Variants in ANKS1B observed in about 807,000 individuals in gnomAD.
ANKS1B encodes the protein ankyrin repeat and sterile alpha motif domain-containing protein 1B.
In ANKS1B, 36 loss-of-function variants were observed where a neutral mutation model predicts 148.3. The ratio of observed to expected loss-of-function variants is 0.24; its 90% confidence interval spans 0.19 to 0.32. ANKS1B has a LOEUF of 0.32. ANKS1B is among the 10% of genes least tolerant of loss of function. The pLI is 1.00. For missense variants in ANKS1B, 1,157 were observed against 1,542.6 expected, an observed-to-expected ratio of 0.75 and a Z score of 4.19; for synonymous variants, 542 against 560.8, an observed-to-expected ratio of 0.97 and a Z score of 0.47.
At chr12:99,517,508 AG>A (rs2096833197) in intron 9 of ANKS1B, among the ~76,000 whole-genome samples, 1 of 151,534 alleles carries the variant, frequency 6.6e-6, no homozygotes, top group Non-Finnish European at 1.5e-5. Flanking sequence ...ATCTGAGGTA[AG>A]GAGTTCGAGA....
intron 9 of ANKS1B, among the ~76,000 whole-genome samples, chr12:99,510,229 T>C (rs150559761): frequency 2.2e-4 from 34 of 152,108 alleles, no homozygotes; most frequent in Middle Eastern, 3.4e-3. Context: ...AGCCCATAGA[T>C]CAAGGATTAA....
At chr12:98,857,369 C>T (rs1181946123) in intron 17 of ANKS1B, among the ~76,000 whole-genome samples, 4 of 152,136 alleles carry the variant, frequency 2.6e-5, no homozygotes, top group Admixed American at 6.5e-5. Context: ...ATAATGACCT[C>T]GGCAGCCAGG....
At chr12:99,105,629 C>T (rs886798841) in intron 15 of ANKS1B, among the ~76,000 whole-genome samples, 5 of 151,830 alleles carry the variant, frequency 3.3e-5, no homozygotes, top group South Asian at 2.1e-4. Flanking sequence ...ATTAGCCAGG[C>T]GTTGTGGCGG....
intron 14 of ANKS1B, among the ~76,000 whole-genome samples, chr12:99,180,625 G>GT (rs2078991140): frequency 1.5e-5 from 2 of 136,346 alleles, no homozygotes; most frequent in Admixed American, 7.2e-5. Context: ...TGAGGGAAAG[G>GT]GTTTTTTTTT....
chr12:99,870,421 G>A (rs1190017112), intron 1 of ANKS1B, among the ~76,000 whole-genome samples: 1 of 152,032 alleles, frequency 6.6e-6, no homozygotes, highest in East Asian at 1.9e-4. Context: ...GTTCTTTTTG[G>A]TAGAACAATT....
At chr12:99,327,038 T>C (rs1003462529) in intron 12 of ANKS1B, among the ~76,000 whole-genome samples, 1 of 137,250 alleles carries the variant, frequency 7.3e-6, no homozygotes, top group African/African-American at 2.7e-5. Context: ...ATATTATATA[T>C]ATTTATATAC....
intron 1 of ANKS1B, among the ~76,000 whole-genome samples, chr12:99,882,445 T>C (rs762964585): frequency 6.6e-6 from 1 of 152,074 alleles, no homozygotes; most frequent in African/African-American, 2.4e-5. Flanking sequence ...AACCCCAAAA[T>C]ACCCATACCT....
At chr12:99,267,306 C>T (rs1185072249) in intron 12 of ANKS1B, among the ~76,000 whole-genome samples, 1 of 152,120 alleles carries the variant, frequency 6.6e-6, no homozygotes, top group Admixed American at 6.5e-5. Context: ...GCCTGACTCA[C>T]AACACAGGGA....
intron 17 of ANKS1B, among the ~76,000 whole-genome samples, chr12:99,028,547 G>A (rs1353964420): frequency 6.6e-6 from 1 of 152,200 alleles, no homozygotes; most frequent in African/African-American, 2.4e-5. Flanking sequence ...GAGAGGTGAT[G>A]AGACCACAGG....
intron 22 of ANKS1B, among the ~76,000 whole-genome samples, chr12:98,790,327 G>A (rs971122733): frequency 2.6e-5 from 4 of 152,108 alleles, no homozygotes; most frequent in Admixed American, 6.5e-5. Context: ...CCTTCCTTGC[G>A]GCGTGGTTAG....
intron 12 of ANKS1B, among the ~76,000 whole-genome samples, chr12:99,391,122 AT>A (rs2094050998): frequency 6.6e-6 from 1 of 152,172 alleles, no homozygotes. Flanking sequence ...CAAAAAGCTA[AT>A]TCAAACTTTC....
rs531483028 is a variant in ANKS1B at position 99,623,121 on chromosome 12, C to T, written c.1272+31946G>A. Reference sequence around the variant, plus strand: ...TATATATAAATCAATAATTGTAATTCACCACACAAACAGAATTAAAGACAA... The same window carrying T: ...TATATATAAATCAATAATTGTAATTTACCACACAAACAGAATTAAAGACAA... On this transcript the variant is annotated intron_variant, in intron 9 of 26. Coordinates refer to ENST00000683438, the MANE Select transcript of ANKS1B (RefSeq NM_001352186.2). Among the ~76,000 whole-genome samples the T allele has an allele frequency of 3.9e-4, 60 of 151,996 alleles. 1 individual carries two copies. Among genetic ancestry groups the T allele is most frequent in the African/African-American group, 1.4e-3 (57 of 41,490 alleles).
intron 12 of ANKS1B, among the ~76,000 whole-genome samples, chr12:99,315,154 T>A (rs565215399): frequency 1.9e-4 from 29 of 151,154 alleles, no homozygotes; most frequent in African/African-American, 5.6e-4. Context: ...GAAACAGAAT[T>A]GCTTGAACCT....
At chr12:98,828,190 T>C (rs1051415433) in intron 19 of ANKS1B, among the ~76,000 whole-genome samples, 1 of 152,198 alleles carries the variant, frequency 6.6e-6, no homozygotes, top group African/African-American at 2.4e-5. Context: ...ATCCCAGGCC[T>C]TCTCTCCCCA....
intron 1 of ANKS1B, among the ~76,000 whole-genome samples, chr12:99,970,123 A>G (rs1229169446): frequency 1.3e-5 from 2 of 152,204 alleles, no homozygotes; most frequent in African/African-American, 2.4e-5. Context: ...TTTAGTGCAC[A>G]TAAGAATGTT....
chr12:98,859,881 C>T (rs540915221), intron 17 of ANKS1B, among the ~76,000 whole-genome samples: 4 of 152,014 alleles, frequency 2.6e-5, no homozygotes, highest in Non-Finnish European at 4.4e-5. Context: ...TCTTGACTTG[C>T]GAAAAAATTT....
chr12:99,279,363 T>C (rs1336011698), intron 12 of ANKS1B, among the ~76,000 whole-genome samples: 4 of 152,198 alleles, frequency 2.6e-5, no homozygotes, highest in Non-Finnish European at 4.4e-5. Flanking sequence ...AATTCAATGA[T>C]TTTTAGTGTA....
At chr12:99,516,155 A>C (rs998035434) in intron 9 of ANKS1B, among the ~76,000 whole-genome samples, 3 of 151,888 alleles carry the variant, frequency 2.0e-5, no homozygotes, top group Non-Finnish European at 2.9e-5. Context: ...TTTGAACTTG[A>C]TGTGCTCCCA....
intron 10 of ANKS1B, among the ~76,000 whole-genome samples, chr12:99,492,734 G>T (rs1240550258): frequency 6.6e-6 from 1 of 152,130 alleles, no homozygotes; most frequent in East Asian, 1.9e-4. Context: ...GGGATGCAAG[G>T]TAGGTTCAAC....
Sources: allele counts gnomAD v4.1 joint callset (sites outside exome capture counted in the v4.1 genomes callset), GRCh38; gene constraint gnomAD v4.1.1; transcripts MANE v1.5; gene names NCBI Gene and HGNC (gene_info 2026-07-23, HGNC 2026-07-21).